The following POLN variants were observed in gnomAD, a reference collection of about 807,000 sequenced individuals.
The protein encoded by POLN is DNA polymerase N.
A neutral mutation model predicts 113.5 loss-of-function variants in POLN; 108 were observed. The ratio of observed to expected loss-of-function variants is 0.95; its 90% CI spans 0.81 to 1.12. The LOEUF is 1.12. Ranked by LOEUF, POLN falls within the 50% of genes most tolerant of loss-of-function variation. POLN has a pLI of 0.00. For synonymous variants in POLN, 386 were observed against 391.5 expected (o/e 0.99, Z 0.17); for missense variants, 1,097 against 1,077.1 (o/e 1.02, Z -0.26).
At chr4:2,101,249 A>G (rs1298761235) in intron 19 of POLN, among the ~76,000 whole-genome samples, 1 of 152,282 alleles carries the variant, frequency 6.6e-6, no homozygotes, top group Non-Finnish European at 1.5e-5. Flanking sequence ...AATACAAACC[A>G]TACTAAGAAA....
At chr4:2,117,747 A>C (rs1731351741) in intron 19 of POLN, among the ~76,000 whole-genome samples, 1 of 152,218 alleles carries the variant, frequency 6.6e-6, no homozygotes. Context: ...TTAGGCCCTT[A>C]ATCTGCTCCC....
chr4:2,189,909 C>A (rs2108755514), intron 7 of POLN, among the ~76,000 whole-genome samples: 1 of 151,294 alleles, frequency 6.6e-6, no homozygotes, highest in South Asian at 2.1e-4. Flanking sequence ...CCTATAGTCC[C>A]AGCTACTTCA....
intron 19 of POLN, among the ~76,000 whole-genome samples, chr4:2,125,523 G>A (rs1731557178): frequency 6.6e-6 from 1 of 152,142 alleles, no homozygotes; most frequent in African/African-American, 2.4e-5. Context: ...AGTCCACATG[G>A]CCTGAATTTC....
At chr4:2,084,967 CTCTT>C (rs1163618880) in intron 21 of POLN, among the ~76,000 whole-genome samples, 1 of 152,130 alleles carries the variant, frequency 6.6e-6, no homozygotes, top group African/African-American at 2.4e-5. Context: ...CCACAACTTT[CTCTT>C]TCTTTAAAAA....
chr4:2,079,623 C>T, intron 23 of POLN: 1 of 984,636 alleles, frequency 1.0e-6, no homozygotes, highest in South Asian at 4.7e-5. Flanking sequence ...GTCTTGCTCT[C>T]ACCCAGGCTG....
chr4:2,167,840 A>G (rs1343117691), intron 13 of POLN, among the ~76,000 whole-genome samples: 1 of 152,144 alleles, frequency 6.6e-6, no homozygotes, highest in Non-Finnish European at 1.5e-5. Context: ...GGGAGGTTGC[A>G]GTGAGCTGAG....
At chr4:2,104,148 T>G (rs35668400) in intron 19 of POLN, among the ~76,000 whole-genome samples, 1,711 of 152,292 alleles carry the variant, frequency 0.011, 37 homozygotes, top group African/African-American at 0.039. Flanking sequence ...ACAAATAATT[T>G]ATAAAACAAC....
rs565808911 is a variant in POLN, at chr4:2,128,837, C to T, written c.1867+342G>A. Among the ~76,000 whole-genome samples the T allele has an allele frequency of 4.1e-4, 62 of 152,192 alleles. 1 individual carries two copies. Among genetic ancestry groups the T allele is most frequent in the African/African-American group, 1.4e-3 (60 of 41,528 alleles). On this transcript the variant is annotated intron_variant, in intron 18 of 25. Transcript: ENST00000511885. ...TGGGAGGCCAAGGCAGGTGGATCAC[C>T]TGAGGTCAGGAGTTCGAGACCAGCC...
At position 2,112,215 on chromosome 4, in the gene POLN, C is replaced by T. The variant is rs577809732; in HGVS notation, c.1982+15898G>A. ...AAGCTGAAACTAGATCCCTTCCTTACACCTTATACAAAAATTAATTCAAGA... is the reference window on the plus strand; with the variant it reads ...AAGCTGAAACTAGATCCCTTCCTTATACCTTATACAAAAATTAATTCAAGA... On this transcript the variant is annotated intron_variant, in intron 19 of 25. Coordinates refer to ENST00000511885, the MANE Select transcript of POLN (RefSeq NM_181808.4). Among the ~76,000 whole-genome samples the T allele has an allele frequency of 3.6e-3, 544 of 152,330 alleles. 2 individuals are homozygous for T. The highest frequency in any genetic ancestry group is 0.012 in the African/African-American group (515 of 41,572).
At chr4:2,229,537 C>T (rs1734501685) in intron 2 of POLN, 1 of 200,200 alleles carries the variant, frequency 5.0e-6, no homozygotes, top group East Asian at 1.3e-4. Context: ...ATTAAATCTT[C>T]AAATAGGCTG....
At chr4:2,151,271 G>A (rs932467026) in intron 16 of POLN, among the ~76,000 whole-genome samples, 2 of 152,164 alleles carry the variant, frequency 1.3e-5, no homozygotes, top group Non-Finnish European at 2.9e-5. Flanking sequence ...GACACCACAA[G>A]ACATCTAGCA....
intron 2 of POLN, chr4:2,240,195 T>G (rs1212360540): frequency 2.5e-6 from 4 of 1,613,970 alleles, no homozygotes; most frequent in African/African-American, 1.3e-5. Context: ...GATTTCTTGA[T>G]TATCACAAAT....
chr4:2,134,423 T>C (rs2108727661), intron 16 of POLN, among the ~76,000 whole-genome samples: 1 of 152,368 alleles, frequency 6.6e-6, no homozygotes, highest in South Asian at 2.1e-4. Context: ...TGAAAGAAAC[T>C]GCCAAACTCG....
chr4:2,228,263 C>T (rs1190647798), intron 3 of POLN: 1 of 151,024 alleles, frequency 6.6e-6, no homozygotes, highest in African/African-American at 2.6e-5. Flanking sequence ...AAAAAAAACA[C>T]CAACAAAAAA....
intron 20 of POLN, 118 bp from the exon 21 acceptor site, chr4:2,085,862 A>G: frequency 1.4e-6 from 2 of 1,405,452 alleles, no homozygotes; most frequent in Non-Finnish European, 1.9e-6. Flanking sequence ...GTTGGGATGG[A>G]GTTGGCGTTG....
intron 3 of POLN, among the ~76,000 whole-genome samples, chr4:2,216,327 A>G (rs1242759015): frequency 6.6e-6 from 1 of 152,240 alleles, no homozygotes; most frequent in Non-Finnish European, 1.5e-5. Flanking sequence ...ACAGATTTCT[A>G]AGTGGGTCAC....
intron 2 of POLN, among the ~76,000 whole-genome samples, chr4:2,237,085 C>T (rs945798995): frequency 6.6e-6 from 1 of 151,956 alleles, no homozygotes; most frequent in Non-Finnish European, 1.5e-5. Context: ...CTGCCACTAA[C>T]GTACTTCAAA....
intron 6 of POLN, among the ~76,000 whole-genome samples, chr4:2,198,225 A>T (rs188991505): frequency 6.6e-6 from 1 of 152,302 alleles, no homozygotes; most frequent in African/African-American, 2.4e-5. Context: ...TCTGCCAGTG[A>T]CAGGGGATTT....
chr4:2,242,018 C>G, intron 1 of POLN, 33 bp downstream of exon 1: 1 of 985,632 alleles, frequency 1.0e-6, no homozygotes, highest in Non-Finnish European at 1.2e-6. Flanking sequence ...GCCCCACACC[C>G]CTGCGCCCAG....
Sources: gnomAD v4.1 joint callset for allele counts (sites outside exome capture counted in the v4.1 genomes callset) on GRCh38, gnomAD v4.1.1 for gene constraint, MANE v1.5 for transcripts, NCBI Gene and HGNC (gene_info 2026-07-23, HGNC 2026-07-21) for gene names.